The following DGKG variants were observed in gnomAD, a reference collection of about 807,000 sequenced individuals.
The protein encoded by DGKG is diacylglycerol kinase gamma, also known as DAG kinase gamma.
In DGKG, 78 loss-of-function variants were observed where a neutral mutation model predicts 105.3. The ratio of observed to expected loss-of-function variants is 0.74; its 90% CI spans 0.62 to 0.89. The LOEUF (loss-of-function observed/expected upper bound fraction) is 0.89, where lower values mean the gene tolerates loss of function less well. Ranked by LOEUF, DGKG falls within the 40% of genes least tolerant of loss-of-function variation. The pLI is 0.00. For missense variants in DGKG, 958 were observed against 1,020.1 expected, an observed-to-expected ratio of 0.94 and a Z score of 0.83; for synonymous variants, 346 against 367.1, an observed-to-expected ratio of 0.94 and a Z score of 0.66.
chr3:186,233,024 G>A (rs1255978451), intron 20 of DGKG, among the ~76,000 whole-genome samples: 1 of 152,180 alleles, frequency 6.6e-6, no homozygotes, highest in East Asian at 1.9e-4. Context: ...AAGCCTATGA[G>A]GCTAGTAGGT....
chr3:186,315,481 T>C (rs1724773224), intron 2 of DGKG, among the ~76,000 whole-genome samples: 1 of 152,142 alleles, frequency 6.6e-6, no homozygotes, highest in Admixed American at 6.5e-5. Context: ...TTCCAGGTTG[T>C]CCATGTCCAT....
chr3:186,167,208 G>A (rs761527539), intron 22 of DGKG, among the ~76,000 whole-genome samples: 16 of 152,066 alleles, frequency 1.1e-4, no homozygotes, highest in Admixed American at 3.9e-4. Context: ...TTGGCATACT[G>A]TTTGCCATCC....
At chr3:186,200,199 T>C (rs1462228507) in intron 21 of DGKG, among the ~76,000 whole-genome samples, 2 of 152,190 alleles carry the variant, frequency 1.3e-5, no homozygotes, top group African/African-American at 4.8e-5. Context: ...ACCATGAAGA[T>C]ACATCTCCAG....
In DGKG at chr3:186,288,812, CG is replaced by C; in HGVS notation, c.441del (p.Val148SerfsTer14). 5.6e-6 allele frequency: 9 copies of C among 1,612,250 alleles called. No individual in the cohort carries two copies. The highest frequency in any genetic ancestry group is 6.8e-6 in the Non-Finnish European group (8 of 1,179,006). The stretch of plus-strand genomic sequence containing the variant: ...GATTCCGAGCTTGAAGACCGAGGGA[CG>C]GGGGGTTCCAGGGGGGTCGCAGCCA... The part of the protein sequence containing the change: ...DQVAATPLEP[P>X]VPRSSSSESP... On this transcript the variant is annotated frameshift_variant, in exon 6 of 25. Transcript: ENST00000265022. LOFTEE classifies it high-confidence loss of function.
At chr3:186,267,351 C>A (rs1005303361) in intron 13 of DGKG, among the ~76,000 whole-genome samples, 6 of 152,196 alleles carry the variant, frequency 3.9e-5, no homozygotes, top group African/African-American at 1.4e-4. Flanking sequence ...CTCTCAAAAT[C>A]TGATCTGTGC....
At chr3:186,278,603 A>C (rs1578767518) in intron 9 of DGKG, among the ~76,000 whole-genome samples, 1 of 152,208 alleles carries the variant, frequency 6.6e-6, no homozygotes, top group South Asian at 2.1e-4. Flanking sequence ...GAAGGGGGTC[A>C]TGTAGATCCT....
chr3:186,158,764 T>C (rs1053142089), intron 24 of DGKG: 2 of 948,302 alleles, frequency 2.1e-6, no homozygotes, highest in South Asian at 4.9e-5. Flanking sequence ...TCTCAGAATA[T>C]GTATTGATAG....
intron 9 of DGKG, 65 bp from the exon 10 acceptor site, chr3:186,275,729 G>T: frequency 3.8e-6 from 4 of 1,047,932 alleles, no homozygotes; most frequent in Non-Finnish European, 4.3e-6. Flanking sequence ...GCCAGGGGCT[G>T]CCTCTTGCAT....
chr3:186,326,802 G>A (rs182428591), intron 1 of DGKG, among the ~76,000 whole-genome samples: 1 of 152,218 alleles, frequency 6.6e-6, no homozygotes, highest in African/African-American at 2.4e-5. Context: ...TTTCATTTTA[G>A]GATGTTTTCT....
At chr3:186,183,455 T>C (rs1169783866) in intron 22 of DGKG, among the ~76,000 whole-genome samples, 1 of 151,736 alleles carries the variant, frequency 6.6e-6, no homozygotes, top group Non-Finnish European at 1.5e-5. Context: ...TTACAAAAAC[T>C]AAAAAATAGC....
At chr3:186,204,317 A>T (rs1418445048) in intron 21 of DGKG, among the ~76,000 whole-genome samples, 1 of 152,116 alleles carries the variant, frequency 6.6e-6, no homozygotes, top group Non-Finnish European at 1.5e-5. Context: ...GAAGTAGGAG[A>T]GTCACTTGAA....
chr3:186,237,387 A>G (rs1486181404), intron 20 of DGKG, among the ~76,000 whole-genome samples: 6 of 152,164 alleles, frequency 3.9e-5, no homozygotes, highest in African/African-American at 1.4e-4. Flanking sequence ...GGTCACACAG[A>G]TCATACAGCC....
At chr3:186,358,885 G>A (rs1296255082) in intron 1 of DGKG, among the ~76,000 whole-genome samples, 1 of 152,112 alleles carries the variant, frequency 6.6e-6, no homozygotes, top group Non-Finnish European at 1.5e-5. Flanking sequence ...GGAGAAGTGG[G>A]ACATTATACA....
At chr3:186,342,599 C>T (rs1726139221) in intron 1 of DGKG, among the ~76,000 whole-genome samples, 1 of 151,134 alleles carries the variant, frequency 6.6e-6, no homozygotes, top group Admixed American at 6.6e-5. Flanking sequence ...TTTTTTCTCT[C>T]GGTCCCTCAT....
intron 16 of DGKG, among the ~76,000 whole-genome samples, chr3:186,260,208 T>C (rs1010157368): frequency 2.6e-5 from 4 of 152,164 alleles, no homozygotes; most frequent in Admixed American, 2.6e-4. Context: ...AAATAACTTT[T>C]TCTAGGACAA....
chr3:186,360,068 T>C, intron 1 of DGKG, among the ~76,000 whole-genome samples: 1 of 152,162 alleles, frequency 6.6e-6, no homozygotes, highest in East Asian at 1.9e-4. Context: ...GGTTCTTTCC[T>C]CGCAGAGGCT....
chr3:186,162,382 G>A (rs1284178591), intron 23 of DGKG, among the ~76,000 whole-genome samples: 4 of 152,354 alleles, frequency 2.6e-5, no homozygotes, highest in East Asian at 1.9e-4. Context: ...CCCAGAGTAC[G>A]TGCCAAAAAC....
intron 24 of DGKG, among the ~76,000 whole-genome samples, chr3:186,152,338 A>G (rs1391573794): frequency 6.6e-6 from 1 of 152,158 alleles, no homozygotes; most frequent in African/African-American, 2.4e-5. Flanking sequence ...GACGCACGGA[A>G]GCGAGGCATA....
intron 1 of DGKG, among the ~76,000 whole-genome samples, chr3:186,325,713 GA>G (rs1300001089): frequency 6.6e-6 from 1 of 151,098 alleles, no homozygotes; most frequent in African/African-American, 2.4e-5. Flanking sequence ...AATATATAAA[GA>G]ATATATATGT....
Sources: allele counts gnomAD v4.1 joint callset (sites outside exome capture counted in the v4.1 genomes callset), GRCh38; gene constraint gnomAD v4.1.1; transcripts MANE v1.5; gene names NCBI Gene and HGNC (gene_info 2026-07-23, HGNC 2026-07-21).